RHOJ: variants seen among roughly 807,000 people sequenced by gnomAD.
RHOJ encodes ras homolog family member J.
A neutral mutation model predicts 23.4 loss-of-function variants in RHOJ; 11 were observed. That is an observed-to-expected ratio of 0.47 (90% CI 0.30 to 0.78). The LOEUF (loss-of-function observed/expected upper bound fraction) is 0.78, where lower values mean the gene tolerates loss of function less well. Among genes scored for constraint, RHOJ ranks in the 30% least tolerant of loss-of-function variants. The pLI is 0.08. For missense variants in RHOJ, 254 were observed against 273.4 expected, an observed-to-expected ratio of 0.93 and a Z score of 0.50; for synonymous variants, 102 against 102.7, an observed-to-expected ratio of 0.99 and a Z score of 0.04.
At chr14:63,264,139 C>T (rs1054729809) in intron 1 of RHOJ, among the ~76,000 whole-genome samples, 1 of 151,916 alleles carries the variant, frequency 6.6e-6, no homozygotes. Context: ...AAGCATAGTA[C>T]CCAATAGTTA....
chr14:63,257,595 G>A (rs537821424), intron 1 of RHOJ, among the ~76,000 whole-genome samples: 1 of 150,104 alleles, frequency 6.7e-6, no homozygotes, highest in Admixed American at 6.6e-5. Context: ...TGCTTTCAAA[G>A]ATGGATTCAG....
chr14:63,240,978 A>G (rs1398042967), intron 1 of RHOJ, among the ~76,000 whole-genome samples: 3 of 152,230 alleles, frequency 2.0e-5, no homozygotes, highest in Non-Finnish European at 4.4e-5. Flanking sequence ...AACCCATGGC[A>G]AGTCCTCTCC....
intron 4 of RHOJ, among the ~76,000 whole-genome samples, chr14:63,287,109 CCTT>C (rs1324061658): frequency 2.6e-5 from 4 of 152,222 alleles, no homozygotes; most frequent in African/African-American, 9.7e-5. Context: ...GACATGCCTT[CCTT>C]CTTCTTCCCT....
chr14:63,213,323 G>T (rs1299574936), intron 1 of RHOJ, among the ~76,000 whole-genome samples: 1 of 152,006 alleles, frequency 6.6e-6, no homozygotes, highest in East Asian at 1.9e-4. Flanking sequence ...ATCTATTGTT[G>T]CCATCTTCCT....
intron 1 of RHOJ, among the ~76,000 whole-genome samples, chr14:63,211,323 C>T (rs1894232474): frequency 6.6e-6 from 1 of 151,994 alleles, no homozygotes; most frequent in Non-Finnish European, 1.5e-5. Flanking sequence ...CTGAAGACAC[C>T]CGAGAGTCTC....
intron 4 of RHOJ, among the ~76,000 whole-genome samples, chr14:63,289,876 G>A (rs1001500014): frequency 6.6e-6 from 1 of 151,584 alleles, no homozygotes; most frequent in African/African-American, 2.4e-5. Context: ...TATGATTATC[G>A]TTACATGTTT....
rs545993271 is a variant in RHOJ, at chr14:63,241,817, A to G, written c.179-27293A>G. 3.3e-5 allele frequency among the ~76,000 whole-genome samples: 5 copies of G among 152,368 alleles called. No individual in the cohort carries two copies. In the South Asian group the frequency reaches 8.3e-4, roughly 25 times the overall value. Reference sequence around the variant, plus strand: ...GGTTCCATGGACTAAAGAAAAATGAATAAGTAGTATAAGGACACTATTTTT... The same window carrying G: ...GGTTCCATGGACTAAAGAAAAATGAGTAAGTAGTATAAGGACACTATTTTT... On this transcript the variant is annotated intron_variant, in intron 1 of 4. Coordinates refer to ENST00000316754, the MANE Select transcript of RHOJ (RefSeq NM_020663.5).
intron 1 of RHOJ, among the ~76,000 whole-genome samples, chr14:63,237,442 C>T (rs936796422): frequency 6.6e-6 from 1 of 152,142 alleles, no homozygotes; most frequent in Non-Finnish European, 1.5e-5. Context: ...CAATTGCAGT[C>T]CCCAGATAAT....
chr14:63,258,228 CAAA>C (rs1300550864), intron 1 of RHOJ, among the ~76,000 whole-genome samples: 1 of 69,018 alleles, frequency 1.4e-5, no homozygotes, highest in African/African-American at 4.9e-5. Flanking sequence ...AACTCTGTCC[CAAA>C]AAAAAAAAAA....
At chr14:63,236,230 A>G (rs1329876035) in intron 1 of RHOJ, among the ~76,000 whole-genome samples, 2 of 152,186 alleles carry the variant, frequency 1.3e-5, no homozygotes, top group African/African-American at 4.8e-5. Flanking sequence ...AGGTCTCTTC[A>G]GTAAAGCCTG....
chr14:63,240,802 G>A (rs1894869702), intron 1 of RHOJ, among the ~76,000 whole-genome samples: 1 of 152,130 alleles, frequency 6.6e-6, no homozygotes, highest in Admixed American at 6.5e-5. Flanking sequence ...ATGAAATTAG[G>A]TTTCTCAAGG....
intron 1 of RHOJ, among the ~76,000 whole-genome samples, chr14:63,239,571 G>GA (rs1477827827): frequency 1.3e-5 from 2 of 152,266 alleles, no homozygotes; most frequent in East Asian, 3.9e-4. Context: ...GGACTCCTTT[G>GA]AAAAAATTAC....
intron 2 of RHOJ, among the ~76,000 whole-genome samples, chr14:63,279,860 A>G (rs569993679): frequency 6.6e-6 from 1 of 152,206 alleles, no homozygotes; most frequent in South Asian, 2.1e-4. Context: ...TTTGGATATA[A>G]TTTTTTTTAA....
At chr14:63,275,096 C>A (rs971970444) in intron 2 of RHOJ, among the ~76,000 whole-genome samples, 1 of 152,100 alleles carries the variant, frequency 6.6e-6, no homozygotes, top group African/African-American at 2.4e-5. Context: ...CCATTCCAGT[C>A]CTGCTACTGA....
intron 1 of RHOJ, among the ~76,000 whole-genome samples, chr14:63,225,973 A>G (rs913389804): frequency 2.6e-5 from 4 of 152,144 alleles, no homozygotes; most frequent in South Asian, 2.1e-4. Context: ...CTTTGTAACA[A>G]TTGAAAGTAT....
intron 1 of RHOJ, among the ~76,000 whole-genome samples, chr14:63,251,970 AC>A (rs1292527660): frequency 6.6e-6 from 1 of 151,806 alleles, no homozygotes; most frequent in African/African-American, 2.4e-5. Flanking sequence ...AAAATACAAA[AC>A]TTAGCCGGGC....
At chr14:63,205,499 G>T (rs1057492872) in intron 1 of RHOJ, among the ~76,000 whole-genome samples, 1 of 152,176 alleles carries the variant, frequency 6.6e-6, no homozygotes, top group Non-Finnish European at 1.5e-5. Flanking sequence ...AAATGAAAAT[G>T]CTAAGATTAA....
intron 1 of RHOJ, among the ~76,000 whole-genome samples, chr14:63,232,852 A>G (rs1330363885): frequency 6.6e-6 from 1 of 151,798 alleles, no homozygotes; most frequent in African/African-American, 2.4e-5. Flanking sequence ...ATGCACCACC[A>G]TGCTGGGCTA....
At chr14:63,210,950 C>T (rs1236668266) in intron 1 of RHOJ, among the ~76,000 whole-genome samples, 1 of 152,190 alleles carries the variant, frequency 6.6e-6, no homozygotes, top group Non-Finnish European at 1.5e-5. Flanking sequence ...ATTTGGAAAA[C>T]CACATGAAGC....
Sources: gnomAD v4.1 joint callset for allele counts (sites outside exome capture counted in the v4.1 genomes callset) on GRCh38, gnomAD v4.1.1 for gene constraint, MANE v1.5 for transcripts, NCBI Gene and HGNC (gene_info 2026-07-23, HGNC 2026-07-21) for gene names.